Variants in RAP1GDS1 observed in about 807,000 individuals in gnomAD.
RAP1GDS1 encodes RAP1, GTP-GDP dissociation stimulator 1.
Under a neutral mutation model 71.1 loss-of-function variants are expected in RAP1GDS1, and 35 were observed. The ratio of observed to expected loss-of-function variants is 0.49; its 90% confidence interval spans 0.38 to 0.65. The LOEUF (loss-of-function observed/expected upper bound fraction) is 0.65, where lower values mean the gene tolerates loss of function less well. Ranked by LOEUF, RAP1GDS1 falls within the 30% of genes least tolerant of loss-of-function variation. The pLI is 0.00. For missense variants in RAP1GDS1, 663 were observed against 706.1 expected (o/e 0.94, Z 0.69); for synonymous variants, 229 against 243.1 (o/e 0.94, Z 0.54).
At chr4:98,417,589 TAG>T in intron 9 of RAP1GDS1, 91 bp downstream of exon 9, 1 of 1,345,032 alleles carries the variant, frequency 7.4e-7, no homozygotes, top group Non-Finnish European at 1.0e-6. Flanking sequence ...TGGAACAGTT[TAG>T]AAGTTGTGTA....
intron 6 of RAP1GDS1, among the ~76,000 whole-genome samples, chr4:98,393,548 C>T (rs1253656511): frequency 1.3e-5 from 2 of 152,168 alleles, no homozygotes; most frequent in Non-Finnish European, 2.9e-5. Context: ...TAATCCGATA[C>T]TGAAAGTGTA....
chr4:98,310,375 G>C (rs1730023780), intron 2 of RAP1GDS1, among the ~76,000 whole-genome samples: 1 of 152,104 alleles, frequency 6.6e-6, no homozygotes, highest in Admixed American at 6.5e-5. Context: ...GGGCTGAGAA[G>C]CAATGAGGTA....
intron 4 of RAP1GDS1, among the ~76,000 whole-genome samples, chr4:98,377,229 T>C (rs552506980): frequency 2.2e-4 from 33 of 152,074 alleles, no homozygotes; most frequent in South Asian, 1.5e-3. Context: ...ATTCGAGCTT[T>C]GCAATTTAGG....
chr4:98,405,458 T>A (rs953691799), intron 7 of RAP1GDS1, among the ~76,000 whole-genome samples: 7 of 151,936 alleles, frequency 4.6e-5, no homozygotes, highest in Non-Finnish European at 8.8e-5. Context: ...TAAAAGAGAA[T>A]AAGAGGTCAG....
At chr4:98,305,217 GTAGTT>G (rs1474446539) in intron 2 of RAP1GDS1, among the ~76,000 whole-genome samples, 2 of 152,062 alleles carry the variant, frequency 1.3e-5, no homozygotes, top group African/African-American at 4.8e-5. Context: ...ATGTCAAATG[GTAGTT>G]TAATGGGAAT....
chr4:98,374,375 A>C (rs1740846919), intron 4 of RAP1GDS1, among the ~76,000 whole-genome samples: 1 of 152,096 alleles, frequency 6.6e-6, no homozygotes, highest in African/African-American at 2.4e-5. Context: ...TTTCTCCAAA[A>C]TTTCACATCT....
At chr4:98,271,127 C>G (rs1045770303) in intron 1 of RAP1GDS1, among the ~76,000 whole-genome samples, 4 of 151,854 alleles carry the variant, frequency 2.6e-5, no homozygotes, top group Non-Finnish European at 5.9e-5. Flanking sequence ...GGATTGGTAC[C>G]CCTAGTGCCT....
In RAP1GDS1 at chr4:98,414,697, G is replaced by A. The variant is rs1257981659; in HGVS notation, c.764-2048G>A. On this transcript the variant is annotated intron_variant, in intron 7 of 14. Coordinates refer to ENST00000408927, the MANE Select transcript of RAP1GDS1 (RefSeq NM_001100427.2). ...TGGCTTAGGATTGACTTGGCGATGC[G>A]GGCTCTTTCTTGGTTCCATATGAAC... Among the ~76,000 whole-genome samples the A allele has an allele frequency of 4.1e-3, 628 of 151,350 alleles. 5 individuals are homozygous for A. Among genetic ancestry groups the A allele is most frequent in the African/African-American group, 0.014 (588 of 41,038 alleles).
intron 2 of RAP1GDS1, among the ~76,000 whole-genome samples, chr4:98,304,660 G>A (rs1415374117): frequency 2.6e-5 from 4 of 152,072 alleles, no homozygotes; most frequent in African/African-American, 9.7e-5. Flanking sequence ...TCACTCCGAT[G>A]GTAGTTTCTT....
At chr4:98,421,215 T>G (rs373114039) in intron 11 of RAP1GDS1, 40 bp from the exon 12 acceptor site, 54 of 1,545,958 alleles carry the variant, frequency 3.5e-5, no homozygotes, top group Admixed American at 9.1e-5. Flanking sequence ...ACTGATTGTC[T>G]GTTAGTGATT....
intron 13 of RAP1GDS1, among the ~76,000 whole-genome samples, chr4:98,436,596 G>A (rs369241945): frequency 2.6e-5 from 4 of 152,008 alleles, no homozygotes; most frequent in African/African-American, 4.8e-5. Context: ...GAGAGAGATC[G>A]GCCATAATTC....
intron 5 of RAP1GDS1, among the ~76,000 whole-genome samples, chr4:98,383,631 GT>G (rs1233338164): frequency 6.6e-6 from 1 of 151,478 alleles, no homozygotes; most frequent in Non-Finnish European, 1.5e-5. Flanking sequence ...TGTAACACCT[GT>G]GGCATATTAT....
intron 2 of RAP1GDS1, among the ~76,000 whole-genome samples, chr4:98,298,678 A>G (rs1728141104): frequency 6.6e-6 from 1 of 152,192 alleles, no homozygotes; most frequent in African/African-American, 2.4e-5. Context: ...CTGGTCACCC[A>G]AGAGCTCTGA....
chr4:98,342,634 A>G (rs1735653557), intron 2 of RAP1GDS1, among the ~76,000 whole-genome samples: 1 of 152,162 alleles, frequency 6.6e-6, no homozygotes, highest in Non-Finnish European at 1.5e-5. Context: ...CATGAAAAAC[A>G]TAGGAGTCAT....
intron 13 of RAP1GDS1, among the ~76,000 whole-genome samples, chr4:98,435,559 G>T (rs551661882): frequency 1.3e-5 from 2 of 152,126 alleles, no homozygotes; most frequent in Non-Finnish European, 2.9e-5. Flanking sequence ...AACAGAAGGG[G>T]CTTAGGCTTG....
At chr4:98,305,987 T>G (rs1264042298) in intron 2 of RAP1GDS1, among the ~76,000 whole-genome samples, 1 of 152,198 alleles carries the variant, frequency 6.6e-6, no homozygotes, top group East Asian at 1.9e-4. Context: ...TGATTTACTA[T>G]AACTAAGGAC....
intron 7 of RAP1GDS1, among the ~76,000 whole-genome samples, chr4:98,407,709 C>T (rs1746352703): frequency 6.6e-6 from 1 of 152,072 alleles, no homozygotes; most frequent in South Asian, 2.1e-4. Context: ...GGGTAAAAAA[C>T]TACTTATTAG....
At chr4:98,317,961 G>C (rs1342197298) in intron 2 of RAP1GDS1, among the ~76,000 whole-genome samples, 1 of 151,310 alleles carries the variant, frequency 6.6e-6, no homozygotes, top group South Asian at 2.1e-4. Flanking sequence ...TCGTGCCTCA[G>C]CTTCCTCAGT....
intron 1 of RAP1GDS1, among the ~76,000 whole-genome samples, chr4:98,278,410 A>C (rs531460120): frequency 6.6e-6 from 1 of 152,154 alleles, no homozygotes; most frequent in Admixed American, 6.5e-5. Flanking sequence ...ATTACTGTAA[A>C]GTTGAATTTA....
Sources: gnomAD v4.1 joint callset for allele counts (sites outside exome capture counted in the v4.1 genomes callset) on GRCh38, gnomAD v4.1.1 for gene constraint, MANE v1.5 for transcripts, NCBI Gene and HGNC (gene_info 2026-07-23, HGNC 2026-07-21) for gene names.